The following SUGCT variants were observed in gnomAD, a reference collection of about 807,000 sequenced individuals.
The protein encoded by SUGCT is succinyl-CoA:glutarate-CoA transferase.
In SUGCT, 41 loss-of-function variants were observed where a neutral mutation model predicts 55.0. The observed-to-expected ratio is 0.74, with a 90% CI of 0.58 to 0.97. The LOEUF (loss-of-function observed/expected upper bound fraction) is 0.97, where lower values mean the gene tolerates loss of function less well. SUGCT is among the 50% of genes least tolerant of loss of function. The pLI, the probability that SUGCT is intolerant of heterozygous loss-of-function variation, is 0.00. For missense variants in SUGCT, 568 were observed against 547.8 expected, an observed-to-expected ratio of 1.04 and a Z score of -0.37; for synonymous variants, 187 against 200.4, an observed-to-expected ratio of 0.93 and a Z score of 0.56.
chr7:40,464,339 G>C (rs1789982660), intron 11 of SUGCT, among the ~76,000 whole-genome samples: 1 of 152,114 alleles, frequency 6.6e-6, no homozygotes, highest in African/African-American at 2.4e-5. Context: ...GGAATTACCT[G>C]GGTAATCATA....
At chr7:40,950,564 G>A in the SUGCT span, among the ~76,000 whole-genome samples, 21 of 152,112 alleles carry the variant, frequency 1.4e-4, no homozygotes, top group East Asian at 4.1e-3. Context: ...TCCCATTTTC[G>A]CCCATTCAGT....
the SUGCT span, among the ~76,000 whole-genome samples, chr7:41,013,098 T>C: frequency 2.0e-5 from 3 of 152,034 alleles, no homozygotes; most frequent in East Asian, 1.9e-4. Context: ...AGTCCACTTA[T>C]GTGTTTGCAG....
intron 12 of SUGCT, among the ~76,000 whole-genome samples, chr7:40,557,779 AAAAAAAAG>A (rs989914177): frequency 6.6e-6 from 1 of 151,810 alleles, no homozygotes; most frequent in African/African-American, 2.4e-5. Flanking sequence ...TCTAAAAAAA[AAAAAAAAG>A]AAAAAAGAAA....
intron 13 of SUGCT, 112 bp from the exon 14 acceptor site, chr7:40,860,204 T>C (rs1794422501): frequency 2.4e-6 from 3 of 1,259,280 alleles, no homozygotes; most frequent in Non-Finnish European, 3.4e-6. Context: ...AGGGTGTAAC[T>C]GGCACTCATT....
intron 13 of SUGCT, among the ~76,000 whole-genome samples, chr7:40,816,663 A>C (rs989955678): frequency 6.6e-6 from 1 of 152,200 alleles, no homozygotes; most frequent in African/African-American, 2.4e-5. Context: ...TTGTCTTGCT[A>C]TCTCCAAGTG....
intron 12 of SUGCT, among the ~76,000 whole-genome samples, chr7:40,599,982 G>C (rs1330148745): frequency 6.6e-6 from 1 of 152,168 alleles, no homozygotes; most frequent in Non-Finnish European, 1.5e-5. Flanking sequence ...CACATGTGAG[G>C]AGAATGCTTC....
chr7:40,466,840 T>A lies in SUGCT; in HGVS notation c.986+7642T>A, dbSNP rs114938544. ...ATTTGAGATCCTAGTCTTTCAGTGA[T>A]CAGCCTTGAGCTTCAGGTTCTCATA... On this transcript the variant is annotated intron_variant, in intron 11 of 13. Coordinates refer to ENST00000335693, the MANE Select transcript of SUGCT (RefSeq NM_001193313.2). 1.7e-3 allele frequency among the ~76,000 whole-genome samples: 254 copies of A among 152,314 alleles called. 1 individual carries two copies. Among genetic ancestry groups the A allele is most frequent in the African/African-American group, 6.0e-3 (248 of 41,574 alleles).
At chr7:40,285,583 T>G (rs1172771307) in intron 8 of SUGCT, among the ~76,000 whole-genome samples, 2 of 152,104 alleles carry the variant, frequency 1.3e-5, no homozygotes, top group Non-Finnish European at 2.9e-5. Context: ...TTTACCCATC[T>G]TAATTTATGG....
chr7:40,837,909 T>C (rs977273931), intron 13 of SUGCT, among the ~76,000 whole-genome samples: 1 of 152,182 alleles, frequency 6.6e-6, no homozygotes, highest in Non-Finnish European at 1.5e-5. Flanking sequence ...CCACCAGGCC[T>C]GGCCTATTTT....
At chr7:40,322,478 C>A (rs1795808205) in intron 9 of SUGCT, among the ~76,000 whole-genome samples, 1 of 152,130 alleles carries the variant, frequency 6.6e-6, no homozygotes, top group Non-Finnish European at 1.5e-5. Flanking sequence ...TAGAAGCCCA[C>A]CAGACTGTGT....
chr7:40,644,157 G>A (rs1234614281), intron 12 of SUGCT, among the ~76,000 whole-genome samples: 3 of 152,180 alleles, frequency 2.0e-5, no homozygotes, highest in Non-Finnish European at 4.4e-5. Context: ...CTATAGGAGG[G>A]GGGAAAGATG....
intron 9 of SUGCT, among the ~76,000 whole-genome samples, chr7:40,447,750 A>G (rs969424516): frequency 1.3e-5 from 2 of 152,214 alleles, no homozygotes; most frequent in Non-Finnish European, 2.9e-5. Flanking sequence ...TGGAGGATGC[A>G]GGTGGAGGTG....
intron 1 of SUGCT, among the ~76,000 whole-genome samples, chr7:40,139,663 T>A (rs527948086): frequency 6.6e-6 from 1 of 152,344 alleles, no homozygotes; most frequent in East Asian, 1.9e-4. Context: ...GCAGATATTT[T>A]CTTCCATTCC....
chr7:40,950,220 C>T, the SUGCT span, among the ~76,000 whole-genome samples: 131 of 152,190 alleles, frequency 8.6e-4, no homozygotes, highest in Non-Finnish European at 9.7e-4. Context: ...TTGAAGCAAT[C>T]GTGAATGGGA....
At chr7:40,482,339 T>C (rs1054795563) in intron 11 of SUGCT, among the ~76,000 whole-genome samples, 2 of 152,278 alleles carry the variant, frequency 1.3e-5, no homozygotes, top group Admixed American at 1.3e-4. Context: ...ATGTTATAAA[T>C]ATACATTTGT....
intron 9 of SUGCT, among the ~76,000 whole-genome samples, chr7:40,440,368 C>T (rs900497526): frequency 6.6e-6 from 1 of 151,698 alleles, no homozygotes; most frequent in Admixed American, 6.6e-5. Context: ...CTAATGTTGG[C>T]CAGGCTGGTC....
chr7:40,815,750 C>G (rs1288309620), intron 13 of SUGCT, among the ~76,000 whole-genome samples: 1 of 152,038 alleles, frequency 6.6e-6, no homozygotes, highest in Non-Finnish European at 1.5e-5. Context: ...GAGGGCCTCC[C>G]TGTACCAGGA....
At chr7:40,898,182 A>G in the SUGCT span, among the ~76,000 whole-genome samples, 1 of 152,096 alleles carries the variant, frequency 6.6e-6, no homozygotes. Context: ...GGAGGACTGA[A>G]CAACTCTGGA....
intron 8 of SUGCT, among the ~76,000 whole-genome samples, chr7:40,283,171 C>T (rs1584559935): frequency 6.6e-6 from 1 of 151,794 alleles, no homozygotes; most frequent in South Asian, 2.1e-4. Flanking sequence ...ATATAAGGAA[C>T]CCAAACAGTT....
Sources: allele counts gnomAD v4.1 joint callset (sites outside exome capture counted in the v4.1 genomes callset), GRCh38; gene constraint gnomAD v4.1.1; transcripts MANE v1.5; gene names NCBI Gene and HGNC (gene_info 2026-07-23, HGNC 2026-07-21).